SYT11: variants seen among roughly 807,000 people sequenced by gnomAD.
SYT11 encodes the protein synaptotagmin 11, also known as synaptotagmin-11.
Under a neutral mutation model 30.4 loss-of-function variants are expected in SYT11, and 12 were observed. The ratio of observed to expected loss-of-function variants is 0.39; its 90% CI spans 0.25 to 0.64. SYT11 has a LOEUF of 0.64. SYT11 is among the 30% of genes least tolerant of loss of function. The pLI is 0.45. For missense variants in SYT11, 412 were observed against 552.0 expected, an observed-to-expected ratio of 0.75 and a Z score of 2.54; for synonymous variants, 204 against 216.0, an observed-to-expected ratio of 0.94 and a Z score of 0.49.
At chr1:155,866,116 CTT>C (rs11419325) in intron 1 of SYT11, among the ~76,000 whole-genome samples, 3 of 123,272 alleles carry the variant, frequency 2.4e-5, no homozygotes, top group African/African-American at 6.2e-5. Context: ...TTTTTTTTTT[CTT>C]TTTTTTTTTT....
chr1:155,861,060 C>G (rs1452119234), intron 1 of SYT11, among the ~76,000 whole-genome samples: 1 of 152,174 alleles, frequency 6.6e-6, no homozygotes. Context: ...TGGCTTTTCT[C>G]ATTCCTGAAT....
At position 155,881,621 on chromosome 1, in the gene SYT11, T is replaced by C. The variant is rs1405238553; in HGVS notation, c.*113T>C. The C allele has an allele frequency of 1.9e-6, 2 of 1,047,176 alleles. No homozygotes were observed. Among genetic ancestry groups the C allele is most frequent in the Admixed American group, 5.9e-5 (2 of 34,158 alleles). 64.9% of individuals were successfully genotyped at this position (1,047,176 alleles called of 1,614,324 possible). A position where few individuals can be genotyped will look rare whatever the true frequency, so the allele number is the denominator to read the frequency against. On this transcript the variant is annotated 3_prime_UTR_variant, in exon 4 of 4. Transcript: ENST00000368324. ...CTCATTTTAGTTGTAGAAGAAAATT[T>C]CTTACAAAACAAATTCCACAAAGAA... is the stretch of plus-strand genomic sequence containing the variant.
intron 1 of SYT11, among the ~76,000 whole-genome samples, chr1:155,867,259 A>G (rs756437413): frequency 6.6e-6 from 1 of 152,114 alleles, no homozygotes; most frequent in Non-Finnish European, 1.5e-5. Context: ...GGGTTTCACC[A>G]TGTTGGTCAG....
chr1:155,868,158 C>T lies in SYT11; in HGVS notation c.228C>T (p.Ile76=), dbSNP rs752653039. ...CCCTCAGCAACAAGAAGAAAATCATCAAAGTGCGGAGAGACAAAGATGGTC... is the reference window on the plus strand; with the variant it reads ...CCCTCAGCAACAAGAAGAAAATCATTAAAGTGCGGAGAGACAAAGATGGTC... ...PETLSNKKKI[I]KVRRDKDGPG... is the part of the protein sequence containing the mutation. Residue 76 remains isoleucine (I), a synonymous_variant, in exon 2 of 4, where the codon ATC becomes ATT. Coordinates refer to ENST00000368324, the MANE Select transcript of SYT11 (RefSeq NM_152280.5). The surrounding 1 kb of genome is among the most constrained non-coding windows in gnomAD (Gnocchi z 4.7). 6.2e-7 allele frequency: 1 copy of T among 1,614,108 alleles called. No individual in the cohort carries two copies. Among genetic ancestry groups the T allele is most frequent in the South Asian group, 1.1e-5 (1 of 91,082 alleles).
rs974827740 is a variant in SYT11 at position 155,881,655 on chromosome 1, A to G, written c.*147A>G. ...ACAAATTCCACAAAGAACACCCTATATGACCACAGCTGCAGATCAGTTCTT... is the reference window on the plus strand; with the variant it reads ...ACAAATTCCACAAAGAACACCCTATGTGACCACAGCTGCAGATCAGTTCTT... On this transcript the variant is annotated 3_prime_UTR_variant, in exon 4 of 4. Coordinates refer to ENST00000368324, the MANE Select transcript of SYT11 (RefSeq NM_152280.5). 7.5e-6 allele frequency: 5 copies of G among 670,690 alleles called. No individual in the cohort carries two copies. The African/African-American group carries it at 9.1e-5, about 12-fold the overall frequency. The allele number at this position is 670,690 out of a possible 1,614,324, so 41.5% of individuals were successfully genotyped here. A position where few individuals can be genotyped will look rare whatever the true frequency, so the allele number is the denominator to read the frequency against.
intron 2 of SYT11, among the ~76,000 whole-genome samples, chr1:155,875,506 C>T (rs546599196): frequency 6.6e-6 from 1 of 151,860 alleles, no homozygotes; most frequent in African/African-American, 2.4e-5. Flanking sequence ...TGGGTTCAAG[C>T]GATTCTCCTG....
At chr1:155,878,017 C>A (rs970060545) in intron 2 of SYT11, among the ~76,000 whole-genome samples, 1 of 152,086 alleles carries the variant, frequency 6.6e-6, no homozygotes, top group African/African-American at 2.4e-5. Context: ...CCAAGGTGGG[C>A]GGATTGCTTG....
At chr1:155,872,749 G>A (rs1413639652) in intron 2 of SYT11, among the ~76,000 whole-genome samples, 3 of 152,182 alleles carry the variant, frequency 2.0e-5, no homozygotes, top group Non-Finnish European at 4.4e-5. Context: ...AAAGAGAAAG[G>A]GAGGGAGCTT....
chr1:155,876,235 CTTTT>C lies in SYT11; in HGVS notation c.862-4245_862-4242del, dbSNP rs67952920. 3.2e-3 allele frequency among the ~76,000 whole-genome samples: 309 copies of C among 96,104 alleles called. 2 individuals are homozygous for C. The highest frequency in any genetic ancestry group is 0.012 in the African/African-American group (296 of 24,808). 63.0% of individuals were successfully genotyped at this position (96,104 alleles called of 152,430 possible). On this transcript the variant is annotated intron_variant, in intron 2 of 3. Transcript: ENST00000368324. ...TCTACATTCCTCAAAACTCACCTCCCTTTTTTTTTTTTTTTTTTTTTTTCTTTTG... is the reference window on the plus strand; with the variant it reads ...TCTACATTCCTCAAAACTCACCTCCCTTTTTTTTTTTTTTTTTTTCTTTTG...
At chr1:155,875,921 C>A (rs1672852324) in intron 2 of SYT11, among the ~76,000 whole-genome samples, 1 of 152,172 alleles carries the variant, frequency 6.6e-6, no homozygotes. Context: ...CTGCACCAGA[C>A]ATACCTGAGT....
At chr1:155,880,936 G>A (rs964258392) in intron 3 of SYT11, among the ~76,000 whole-genome samples, 1 of 152,154 alleles carries the variant, frequency 6.6e-6, no homozygotes, top group Non-Finnish European at 1.5e-5. Flanking sequence ...ATACTTCTTG[G>A]TATCATGGGA....
In SYT11 at chr1:155,860,911, GT is replaced by G. The variant is rs1443901709; in HGVS notation, c.34+1119del. Among the ~76,000 whole-genome samples the G allele has an allele frequency of 6.6e-6, 1 of 152,170 alleles. No homozygotes were observed. Among genetic ancestry groups the G allele is most frequent in the African/African-American group, 2.4e-5 (1 of 41,434 alleles). ...AATTGCCCTGCTTCTCCTTGATTCA[GT>G]TTAGATGGGGGAAGCCAGTGAGAGT... On this transcript the variant is annotated intron_variant, in intron 1 of 3. Coordinates refer to ENST00000368324, the MANE Select transcript of SYT11 (RefSeq NM_152280.5). The surrounding 1 kb of genome is among the most constrained non-coding windows in gnomAD (Gnocchi z 4.1).
chr1:155,876,934 C>T lies in SYT11; in HGVS notation c.862-3566C>T, dbSNP rs375032072. Among the ~76,000 whole-genome samples the T allele has an allele frequency of 1.3e-5, 2 of 151,234 alleles. 1 individual carries two copies. On this transcript the variant is annotated intron_variant, in intron 2 of 3. Transcript: ENST00000368324. The stretch of plus-strand genomic sequence containing the variant: ...CTGAGTAGCTGGGGTTACAGGCGCC[C>T]GCCACCACACCCGGCTAATTTTTCT...
rs1672546056 is a variant in SYT11, at chr1:155,860,563, G to A, written c.34+768G>A. Among the ~76,000 whole-genome samples the A allele has an allele frequency of 6.6e-6, 1 of 152,168 alleles. No homozygotes were observed. The highest frequency in any genetic ancestry group is 2.4e-5 in the African/African-American group (1 of 41,440). The stretch of plus-strand genomic sequence containing the variant: ...TTTCCCTGGGCCGCCTTTTCAAAAA[G>A]GGGGACTGACCAGCGTTGATGCTGG... On this transcript the variant is annotated intron_variant, in intron 1 of 3. Transcript: ENST00000368324. This position sits in a 1 kb window ranked among gnomAD's most constrained non-coding sequence, Gnocchi z 4.1.
intron 2 of SYT11, among the ~76,000 whole-genome samples, chr1:155,872,089 T>TA (rs1557948496): frequency 6.6e-6 from 1 of 151,372 alleles, no homozygotes; most frequent in Non-Finnish European, 1.5e-5. Context: ...AAATAAAAAA[T>TA]AAAAAATAAA....
In SYT11 at chr1:155,883,006, C is replaced by T. The variant is rs1673005903; in HGVS notation, c.*1498C>T. 6.6e-6 allele frequency: 1 copy of T among 152,322 alleles called. No individual in the cohort carries two copies. Among genetic ancestry groups the T allele is most frequent in the African/African-American group, 2.4e-5 (1 of 41,432 alleles). 9.4% of individuals were successfully genotyped at this position (152,322 alleles called of 1,614,324 possible). On this transcript the variant is annotated 3_prime_UTR_variant, in exon 4 of 4. Transcript: ENST00000368324. ...TGAGTGAATGAAGATAAGTTGGATT[C>T]TTTCAGAGCATTCTTTTCCTCAAAA... is the stretch of plus-strand genomic sequence containing the variant.
chr1:155,872,132 C>T (rs1672789859), intron 2 of SYT11, among the ~76,000 whole-genome samples: 1 of 152,084 alleles, frequency 6.6e-6, no homozygotes, highest in South Asian at 2.1e-4. Context: ...GGCACAGTGG[C>T]TCACCCCTGT....
In SYT11 at chr1:155,868,848, G is replaced by A. The variant is rs1434293922; in HGVS notation, c.861+57G>A. 6.0e-6 allele frequency: 9 copies of A among 1,512,158 alleles called. No individual in the cohort carries two copies. The Admixed American group carries it at 7.5e-5, about 13-fold the overall frequency. The allele number at this position is 1,512,158 out of a possible 1,614,324, so 93.7% of individuals were successfully genotyped here. A position where few individuals can be genotyped will look rare whatever the true frequency, so the allele number is the denominator to read the frequency against. On this transcript the variant is annotated intron_variant, in intron 2 of 3. Coordinates refer to ENST00000368324, the MANE Select transcript of SYT11 (RefSeq NM_152280.5). The surrounding 1 kb of genome is among the most constrained non-coding windows in gnomAD (Gnocchi z 4.7). Reference sequence around the variant, plus strand: ...GTAGGTTGGGGGAGAAAATATCTCAGGGGATAAATGGAAGTGGGAGGGGAG... The same window carrying A: ...GTAGGTTGGGGGAGAAAATATCTCAAGGGATAAATGGAAGTGGGAGGGGAG...
intron 2 of SYT11, among the ~76,000 whole-genome samples, chr1:155,877,620 C>G (rs1672886394): frequency 6.7e-6 from 1 of 149,578 alleles, no homozygotes. Context: ...GTGGCGCAAT[C>G]TCGGCTCACT....
Sources: gnomAD v4.1 joint callset for allele counts (sites outside exome capture counted in the v4.1 genomes callset) on GRCh38, gnomAD v4.1.1 for gene constraint, Gnocchi (gnomAD v3.1) non-coding constraint, MANE v1.5 for transcripts, NCBI Gene and HGNC (gene_info 2026-07-23, HGNC 2026-07-21) for gene names.